EXPH5: variants seen among roughly 807,000 people sequenced by gnomAD.
EXPH5 encodes the protein exophilin 5.
EXPH5 carries 42 observed loss-of-function variants against 41.1 expected under a neutral mutation model. The observed-to-expected ratio is 1.02, with a 90% CI of 0.80 to 1.32. EXPH5 has a LOEUF of 1.32. EXPH5 is among the 40% of genes most tolerant of loss of function. The probability of loss-of-function intolerance (pLI) is 0.00; values close to 1 mark genes in which losing one functional copy is unlikely to be tolerated. For synonymous variants in EXPH5, 798 were observed against 833.5 expected (o/e 0.96, Z 0.73); for missense variants, 2,298 against 2,314.5 (o/e 0.99, Z 0.15).
At chr11:108,531,758 G>A (rs2093839411) in intron 3 of EXPH5, among the ~76,000 whole-genome samples, 1 of 152,190 alleles carries the variant, frequency 6.6e-6, no homozygotes, top group Non-Finnish European at 1.5e-5. Flanking sequence ...CACCTGGATG[G>A]CCACAGGCCA....
At chr11:108,529,160 C>T (rs1263189401) in intron 3 of EXPH5, among the ~76,000 whole-genome samples, 2 of 151,400 alleles carry the variant, frequency 1.3e-5, no homozygotes, top group East Asian at 1.9e-4. Flanking sequence ...AGAAAAAAAC[C>T]ACTACAACAA....
At chr11:108,577,208 G>C (rs561841938) in intron 1 of EXPH5, among the ~76,000 whole-genome samples, 2 of 152,240 alleles carry the variant, frequency 1.3e-5, no homozygotes, top group Non-Finnish European at 2.9e-5. Context: ...AAACATGGAA[G>C]TGCAGAGATC....
chr11:108,536,256 G>A (rs2093879059), intron 3 of EXPH5, among the ~76,000 whole-genome samples: 1 of 151,660 alleles, frequency 6.6e-6, no homozygotes, highest in Non-Finnish European at 1.5e-5. Flanking sequence ...TCATATTTGA[G>A]GCAGAAGTGG....
chr11:108,559,058 C>T (rs558853523), intron 1 of EXPH5, among the ~76,000 whole-genome samples: 1 of 152,282 alleles, frequency 6.6e-6, no homozygotes, highest in Non-Finnish European at 1.5e-5. Flanking sequence ...ACAGTTATTT[C>T]CAGATTATTT....
chr11:108,534,529 C>T (rs973792850), intron 3 of EXPH5, among the ~76,000 whole-genome samples: 2 of 152,230 alleles, frequency 1.3e-5, no homozygotes, highest in Non-Finnish European at 2.9e-5. Flanking sequence ...CCACTCTCTG[C>T]ACCTTGGTTT....
At chr11:108,586,428 T>C (rs550062908) in intron 1 of EXPH5, among the ~76,000 whole-genome samples, 119 of 142,962 alleles carry the variant, frequency 8.3e-4, no homozygotes, top group African/African-American at 2.9e-3. Flanking sequence ...CCCTCCCTGA[T>C]CCCCTTTCCT....
In EXPH5 at chr11:108,518,350, A is replaced by T. The variant is rs1218006345; in HGVS notation, c.516T>A (p.Pro172=). 3.2e-5 allele frequency: 52 copies of T among 1,613,802 alleles called. No individual in the cohort carries two copies. Among genetic ancestry groups the T allele is most frequent in the Non-Finnish European group, 4.2e-5 (50 of 1,179,928 alleles). ...AAVQAKIYNS[P]LENHLVDSTF... The stretch of plus-strand genomic sequence containing the variant: ...TACTGTCAACTAGATGATTTTCCAG[A>T]GGTGAATTGTATATTTTTGCCTGCT... Residue 172 remains proline (P), a synonymous_variant, in exon 5 of 6, where the codon CCT becomes CCA. Transcript: ENST00000265843.
upstream of EXPH5, among the ~76,000 whole-genome samples, chr11:108,595,242 G>C (rs1006240868): frequency 3.3e-5 from 5 of 152,144 alleles, no homozygotes; most frequent in African/African-American, 1.2e-4. Context: ...CAGTGGGAGA[G>C]ATACACAAAT....
rs754781273 is a variant in EXPH5, at chr11:108,514,076, T to C, written c.1431A>G (p.Gln477=). The change falls in exon 6 of 6, where the codon CAA becomes CAG. Residue 477 remains glutamine, a synonymous_variant. Transcript: ENST00000265843. ...CTTTCTCTTGGCCCCAAAAAGGACC[T>C]TGTCCAAATCTCCTCTGTTCTCCGC... The part of the protein sequence containing the change: ...GRSGEQRRFG[Q]GPFWGQEKGH... 9.3e-6 allele frequency: 15 copies of C among 1,614,090 alleles called. No homozygotes were observed. Among genetic ancestry groups the C allele is most frequent in the Non-Finnish European group, 1.1e-5 (13 of 1,179,994 alleles).
chr11:108,545,747 T>G (rs1426775882), intron 1 of EXPH5, among the ~76,000 whole-genome samples: 1 of 151,668 alleles, frequency 6.6e-6, no homozygotes, highest in Non-Finnish European at 1.5e-5. Flanking sequence ...TACAAAAAAT[T>G]TTAAAATTAG....
In EXPH5 at chr11:108,507,389, T is replaced by C. The variant is rs1236423934; in HGVS notation, c.*2148A>G. 2 of 152,350 alleles carry C rather than the reference T, an allele frequency of 1.3e-5. No individual in the cohort carries two copies. The highest frequency in any genetic ancestry group is 3.9e-4 in the East Asian group (2 of 5,188). 9.4% of individuals were successfully genotyped at this position (152,350 alleles called of 1,614,324 possible). On this transcript the variant is annotated 3_prime_UTR_variant, in exon 6 of 6. Transcript: ENST00000265843. ...CCAACATCTATCATTATTCTTAGTT[T>C]ATAATGATGAAACAGACTAGGTATA...
chr11:108,574,538 C>T (rs2094073809), intron 1 of EXPH5, among the ~76,000 whole-genome samples: 1 of 152,116 alleles, frequency 6.6e-6, no homozygotes, highest in Admixed American at 6.5e-5. Context: ...ATCAATAAGA[C>T]ACAAACCACA....
Position 108,553,105 on chromosome 11 carries a change from A to G in EXPH5, c.120-11293T>C, listed in dbSNP as rs182733702. Among the ~76,000 whole-genome samples, 28 of 152,282 alleles carry G rather than the reference A, an allele frequency of 1.8e-4. No homozygotes were observed. In the East Asian group the frequency reaches 5.4e-3, roughly 29 times the overall value. On this transcript the variant is annotated intron_variant, in intron 1 of 5. Transcript: ENST00000265843. ...CCCAGCTACCTGGGGAGGCTGAGGC[A>G]GGAGAATCGCTTGAACTGGGGAGGC...
intron 1 of EXPH5, among the ~76,000 whole-genome samples, chr11:108,580,049 A>G (rs1456569519): frequency 6.6e-6 from 1 of 152,214 alleles, no homozygotes; most frequent in African/African-American, 2.4e-5. Context: ...AAATAAACAA[A>G]TGGGATTATA....
intron 1 of EXPH5, among the ~76,000 whole-genome samples, chr11:108,578,599 T>A (rs1397502838): frequency 1.3e-5 from 2 of 152,216 alleles, no homozygotes; most frequent in East Asian, 3.8e-4. Flanking sequence ...AGGTATTGCA[T>A]TGATTCTATA....
At chr11:108,556,781 A>G (rs1424359672) in intron 1 of EXPH5, among the ~76,000 whole-genome samples, 2 of 152,104 alleles carry the variant, frequency 1.3e-5, no homozygotes, top group Non-Finnish European at 2.9e-5. Context: ...GCCCCCATCA[A>G]TTTTATTGAA....
At chr11:108,531,016 A>G (rs2093834221) in intron 3 of EXPH5, among the ~76,000 whole-genome samples, 1 of 152,116 alleles carries the variant, frequency 6.6e-6, no homozygotes, top group Admixed American at 6.5e-5. Flanking sequence ...TATCATGAAA[A>G]CTATGCTGGT....
rs1227402134 is a variant in EXPH5, at chr11:108,593,643, A to G, written c.-107T>C. 6.3e-7 allele frequency: 1 copy of G among 1,594,720 alleles called. No individual in the cohort carries two copies. Among genetic ancestry groups the G allele is most frequent in the African/African-American group, 1.3e-5 (1 of 74,688 alleles). On this transcript the variant is annotated 5_prime_UTR_variant, in exon 1 of 6. Coordinates refer to ENST00000265843, the MANE Select transcript of EXPH5 (RefSeq NM_015065.3). ...TTTCACGAACTTGATCCCACAGCCA[A>G]TAATAAGTCCGCCCCTTTGAAAGTC...
Position 108,506,056 on chromosome 11 carries a change from A to G in EXPH5, c.*3481T>C, listed in dbSNP as rs1347667502. The G allele has an allele frequency of 6.6e-6, 1 of 152,226 alleles. No homozygotes were observed. Among genetic ancestry groups the G allele is most frequent in the Non-Finnish European group, 1.5e-5 (1 of 68,038 alleles). The allele number at this position is 152,226 out of a possible 1,614,324, so 9.4% of individuals were successfully genotyped here. The stretch of plus-strand genomic sequence containing the variant: ...CAGTATAAAATTTATGGTTATAGAA[A>G]TCTAGTATCTAAACAAGTTTATAAT... On this transcript the variant is annotated 3_prime_UTR_variant, in exon 6 of 6. Transcript: ENST00000265843.
Sources: gnomAD v4.1 joint callset for allele counts (sites outside exome capture counted in the v4.1 genomes callset) on GRCh38, gnomAD v4.1.1 for gene constraint, MANE v1.5 for transcripts, NCBI Gene and HGNC (gene_info 2026-07-23, HGNC 2026-07-21) for gene names.